CUL2: variants seen among roughly 807,000 people sequenced by gnomAD.
CUL2 encodes the protein cullin 2.
In CUL2, 22 loss-of-function variants were observed where a neutral mutation model predicts 110.2. The ratio of observed to expected loss-of-function variants is 0.20; its 90% CI spans 0.14 to 0.28. The LOEUF is 0.28. Among genes scored for constraint, CUL2 ranks in the 10% least tolerant of loss-of-function variants. The pLI, the probability that CUL2 is intolerant of heterozygous loss-of-function variation, is 1.00. For missense variants in CUL2, 631 were observed against 905.5 expected (o/e 0.70, Z 3.89); for synonymous variants, 279 against 293.2 (o/e 0.95, Z 0.49).
upstream of CUL2, among the ~76,000 whole-genome samples, chr10:35,094,309 C>T (rs562496910): frequency 3.3e-5 from 5 of 151,728 alleles, no homozygotes; most frequent in East Asian, 9.7e-4. Flanking sequence ...GATCTTGGCT[C>T]ACTGCAACCT....
At chr10:35,114,928 G>T (rs1044370160) in intron 1 of CUL2, among the ~76,000 whole-genome samples, 1 of 152,078 alleles carries the variant, frequency 6.6e-6, no homozygotes, top group Non-Finnish European at 1.5e-5. Flanking sequence ...GGAGCACAAA[G>T]AAGCTGGGTG....
At chr10:35,096,014 G>A (rs1395495927) in intron 2 of CUL2, among the ~76,000 whole-genome samples, 2 of 152,048 alleles carry the variant, frequency 1.3e-5, no homozygotes, top group African/African-American at 2.4e-5. Flanking sequence ...TTCGGAGTCC[G>A]AGGCGGGTGG....
rs377058841 is a variant in CUL2 at position 35,114,010 on chromosome 10, C to T, written c.-51+12595G>A. 4.0e-5 allele frequency among the ~76,000 whole-genome samples: 6 copies of T among 151,696 alleles called. No individual in the cohort carries two copies. The South Asian group carries it at 1.0e-3, about 26-fold the overall frequency. ...GCAAGCTCCATCTCCTGGATTCACG[C>T]CATTCTCCTGCCTCAGCCTCCCGAG... On this transcript the variant is annotated intron_variant, in intron 1 of 5. Coordinates refer to the CUL2 transcript ENST00000685421.
intron 1 of CUL2, among the ~76,000 whole-genome samples, chr10:35,089,303 G>A (rs1252656912): frequency 1.3e-5 from 2 of 152,224 alleles, no homozygotes; most frequent in Admixed American, 1.3e-4. Context: ...GAAAAGGAAT[G>A]TAAGATTCTA....
At chr10:35,039,124 C>A in intron 8 of CUL2, 42 bp from the exon 9 acceptor site, 1 of 1,326,818 alleles carries the variant, frequency 7.5e-7, no homozygotes, top group South Asian at 1.7e-5. Flanking sequence ...CAAAGTTTTA[C>A]TATGAGGAAA....
At chr10:35,088,555 T>A (rs1033491782) in intron 1 of CUL2, among the ~76,000 whole-genome samples, 1 of 149,714 alleles carries the variant, frequency 6.7e-6, no homozygotes, top group Non-Finnish European at 1.5e-5. Flanking sequence ...CCTTGTAACC[T>A]TAATGCCTGC....
At chr10:35,093,961 TTTA>T (rs2087254551), upstream of CUL2, among the ~76,000 whole-genome samples, 1 of 152,054 alleles carries the variant, frequency 6.6e-6, no homozygotes. Context: ...ATGTGTTTGG[TTTA>T]TTATTTTTAA....
At chr10:35,100,084 G>A (rs1265946277) in intron 2 of CUL2, among the ~76,000 whole-genome samples, 1 of 151,764 alleles carries the variant, frequency 6.6e-6, no homozygotes, top group African/African-American at 2.4e-5. Context: ...GGAATTATAG[G>A]CATGAGCTAC....
intron 17 of CUL2, among the ~76,000 whole-genome samples, chr10:35,022,821 T>A (rs553825935): frequency 1.3e-5 from 2 of 151,940 alleles, no homozygotes; most frequent in Non-Finnish European, 2.9e-5. Context: ...CCGAGGTGGG[T>A]GGATCACGAG....
intron 1 of CUL2, among the ~76,000 whole-genome samples, chr10:35,078,524 C>T (rs1647473073): frequency 6.6e-6 from 1 of 151,898 alleles, no homozygotes; most frequent in Non-Finnish European, 1.5e-5. Context: ...TGGTCTCAAA[C>T]TCCCAACCTC....
At chr10:35,126,995 A>T (rs984161698), upstream of CUL2, 3 of 152,448 alleles carry the variant, frequency 2.0e-5, no homozygotes, top group Non-Finnish European at 4.4e-5. Flanking sequence ...GGTCGGCTGC[A>T]GCGCTACTTT....
At chr10:35,064,834 C>A (rs2086476157) in intron 2 of CUL2, among the ~76,000 whole-genome samples, 1 of 152,106 alleles carries the variant, frequency 6.6e-6, no homozygotes, top group Admixed American at 6.6e-5. Context: ...TGAGCCACCG[C>A]TCAATATATC....
At chr10:35,037,828 G>T (rs2085662433) in intron 9 of CUL2, among the ~76,000 whole-genome samples, 1 of 152,094 alleles carries the variant, frequency 6.6e-6, no homozygotes, top group South Asian at 2.1e-4. Context: ...GGGCCACAGA[G>T]CGGGACTCCG....
Position 35,039,011 on chromosome 10 carries a change from C to G in CUL2, c.786G>C (p.Val262=), listed in dbSNP as rs758583162. 5.0e-6 allele frequency: 8 copies of G among 1,608,630 alleles called. No individual in the cohort carries two copies. In the South Asian group the frequency reaches 8.8e-5, roughly 18 times the overall value. ...KYLHPSSYTK[V]IHECQQRMVA... is the part of the protein sequence containing the mutation. The stretch of plus-strand genomic sequence containing the variant: ...CCATTCGTTGTTGACATTCATGAAT[C>G]ACCTTAGTATATGAACTTGGATGTA... Residue 262 remains valine (V), a synonymous_variant, in exon 9 of 21, where the codon GTG becomes GTC. Coordinates refer to ENST00000374749, the MANE Select transcript of CUL2 (RefSeq NM_003591.4).
Position 35,085,247 on chromosome 10 carries a change from T to C in CUL2, c.-23+4932A>G, listed in dbSNP as rs2087032292. 2.7e-5 allele frequency among the ~76,000 whole-genome samples: 4 copies of C among 150,320 alleles called. No homozygotes were observed. In the South Asian group the frequency reaches 8.4e-4, roughly 32 times the overall value. On this transcript the variant is annotated intron_variant, in intron 1 of 20. Transcript: ENST00000374749. ...ATTGAGACCATCCTGGCTAACACAG[T>C]GAAACCCCGTCTCTACTAAAAAAAT...
intron 1 of CUL2, among the ~76,000 whole-genome samples, chr10:35,114,888 G>A (rs2087573602): frequency 6.6e-6 from 1 of 152,086 alleles, no homozygotes; most frequent in Non-Finnish European, 1.5e-5. Context: ...CAATGAATTT[G>A]ACGACACCAA....
At chr10:35,026,355 T>C (rs1398611730) in intron 16 of CUL2, among the ~76,000 whole-genome samples, 2 of 151,360 alleles carry the variant, frequency 1.3e-5, no homozygotes, top group African/African-American at 4.9e-5. Context: ...GGGATATCAA[T>C]AAAATTCAAT....
At chr10:35,090,951 T>G (rs998377299), upstream of CUL2, among the ~76,000 whole-genome samples, 1 of 152,204 alleles carries the variant, frequency 6.6e-6, no homozygotes, top group East Asian at 1.9e-4. Context: ...AAAAATAAAT[T>G]AGCAAAACTA....
upstream of CUL2, among the ~76,000 whole-genome samples, chr10:35,094,932 T>A (rs1039836427): frequency 1.3e-5 from 2 of 152,234 alleles, no homozygotes; most frequent in African/African-American, 4.8e-5. Flanking sequence ...TTGCTTTCCT[T>A]GTTTTACTTT....
Sources: allele counts gnomAD v4.1 joint callset (sites outside exome capture counted in the v4.1 genomes callset), GRCh38; gene constraint gnomAD v4.1.1; transcripts MANE v1.5; gene names NCBI Gene and HGNC (gene_info 2026-07-23, HGNC 2026-07-21).